Variants in ITGA11 observed in about 807,000 individuals in gnomAD.
The protein encoded by ITGA11 is integrin subunit alpha 11.
In ITGA11, 97 loss-of-function variants were observed where a neutral mutation model predicts 141.9. The observed-to-expected ratio is 0.68, with a 90% CI of 0.58 to 0.81. The LOEUF is 0.81. Ranked by LOEUF, ITGA11 falls within the 30% of genes least tolerant of loss-of-function variation. The probability of loss-of-function intolerance (pLI) is 0.00; values close to 1 mark genes in which losing one functional copy is unlikely to be tolerated. For missense variants in ITGA11, 1,387 were observed against 1,559.2 expected (o/e 0.89, Z 1.86); for synonymous variants, 658 against 624.6 (o/e 1.05, Z -0.80).
chr15:68,413,247 A>G (rs1312412573), intron 1 of ITGA11, among the ~76,000 whole-genome samples: 1 of 152,206 alleles, frequency 6.6e-6, no homozygotes, highest in Non-Finnish European at 1.5e-5. Flanking sequence ...GCTTGTTGCT[A>G]TAAGTGAGAA....
chr15:68,398,565 ATATT>A (rs1046088377), intron 2 of ITGA11, among the ~76,000 whole-genome samples: 11 of 146,718 alleles, frequency 7.5e-5, no homozygotes, highest in African/African-American at 2.7e-4. Context: ...AGACTTTAAC[ATATT>A]TATTATAATA....
At chr15:68,354,550 C>G (rs940457647) in intron 7 of ITGA11, among the ~76,000 whole-genome samples, 1 of 152,232 alleles carries the variant, frequency 6.6e-6, no homozygotes, top group Non-Finnish European at 1.5e-5. Context: ...GAGCACATCT[C>G]TGAATGCAAA....
rs1348500106 is a variant in ITGA11 at position 68,331,096 on chromosome 15, C to T, written c.1786G>A (p.Glu596Lys). ...AAATACTGGAGGCCGGTAGCCAGCTCTGAGGCTGTGATTCTCTGCAGGGCG... is the reference window on the plus strand; with the variant it reads ...AAATACTGGAGGCCGGTAGCCAGCTTTGAGGCTGTGATTCTCTGCAGGGCG... The part of the protein sequence containing the change: ...KTPKQRITAS[E>K]LATGLQYFGC... Residue 596 changes from glutamate to lysine, a missense_variant, in exon 15 of 30, where the codon GAG becomes AAG. Transcript: ENST00000315757. 6.3e-7 allele frequency: 1 copy of T among 1,597,444 alleles called. No individual in the cohort carries two copies. Among genetic ancestry groups the T allele is most frequent in the Non-Finnish European group, 8.5e-7 (1 of 1,172,288 alleles).
chr15:68,314,887 T>C (rs1028453640), intron 22 of ITGA11, among the ~76,000 whole-genome samples: 2 of 152,186 alleles, frequency 1.3e-5, no homozygotes, highest in South Asian at 4.2e-4. Flanking sequence ...TTGCCTGGGG[T>C]ATTTATTTCT....
chr15:68,361,583 C>G lies in ITGA11; in HGVS notation c.472+7G>C. The G allele has an allele frequency of 6.3e-7, 1 of 1,584,734 alleles. No homozygotes were observed. The highest frequency in any genetic ancestry group is 2.3e-5 in the East Asian group (1 of 44,048). On this transcript the variant is annotated splice_region_variant and intron_variant, in intron 5 of 29. Coordinates refer to ENST00000315757, the MANE Select transcript of ITGA11 (RefSeq NM_001004439.2). ...CAGCTTGAGGTTGCAGATTTGAAGC[C>G]ACTTACTTTGGAGAGCTGGGGCCAC...
intron 2 of ITGA11, among the ~76,000 whole-genome samples, chr15:68,391,101 AG>A (rs1345695399): frequency 6.6e-6 from 1 of 152,110 alleles, no homozygotes; most frequent in African/African-American, 2.4e-5. Context: ...GGAAGCAGGG[AG>A]GGGAAAGCCA....
At chr15:68,385,179 C>CAA (rs1203433645) in intron 2 of ITGA11, among the ~76,000 whole-genome samples, 2 of 152,256 alleles carry the variant, frequency 1.3e-5, no homozygotes, top group African/African-American at 2.4e-5. Context: ...CTTGAGTTTC[C>CAA]ATTGCTTGGA....
rs529138575 is a variant in ITGA11 at position 68,347,237 on chromosome 15, C to A, written c.1131+1593G>T. Among the ~76,000 whole-genome samples, 4 of 152,358 alleles carry A rather than the reference C, an allele frequency of 2.6e-5. No homozygotes were observed. In the South Asian group the frequency reaches 8.3e-4, roughly 32 times the overall value. ...CTCGCTGTGCTGGGCTCTTTACCCT[C>A]AGACTCTGAGCTCCTTGAGGGCAGG... On this transcript the variant is annotated intron_variant, in intron 10 of 29. Transcript: ENST00000315757.
chr15:68,427,631 A>AT (rs988711090), intron 1 of ITGA11, among the ~76,000 whole-genome samples: 19 of 152,166 alleles, frequency 1.2e-4, no homozygotes, highest in African/African-American at 4.6e-4. Flanking sequence ...TCTCCATGGA[A>AT]TTTTTTTGCA....
rs1242014569 is a variant in ITGA11 at position 68,325,995 on chromosome 15, T to C, written c.2211+659A>G. Among the ~76,000 whole-genome samples, 1 of 152,166 alleles carries C rather than the reference T, an allele frequency of 6.6e-6. No individual in the cohort carries two copies. Among genetic ancestry groups the C allele is most frequent in the African/African-American group, 2.4e-5 (1 of 41,438 alleles). ...TGAATTTCCAAGTTTGTGGGGAGGA[T>C]GAAGATGCTGCTGGTGTGGATGCGT... On this transcript the variant is annotated intron_variant, in intron 17 of 29. Transcript: ENST00000315757. This position sits in a 1 kb window ranked among gnomAD's most constrained non-coding sequence, Gnocchi z 5.5.
intron 7 of ITGA11, among the ~76,000 whole-genome samples, chr15:68,354,220 A>G (rs1895001017): frequency 1.3e-5 from 2 of 151,994 alleles, no homozygotes; most frequent in Admixed American, 1.3e-4. Flanking sequence ...TCAGCTCACG[A>G]TGGCACGGTA....
chr15:68,300,472 G>T lies in ITGA11; in HGVS notation c.*2587C>A, dbSNP rs1349527349. ...AGTGGTCACTTTTAAAGCTCCCGTG[G>T]TTCAAAGGTGCAGCCAGGATTGAGA... On this transcript the variant is annotated 3_prime_UTR_variant, in exon 30 of 30. Transcript: ENST00000315757. 1 of 152,286 alleles carries T rather than the reference G, an allele frequency of 6.6e-6. No individual in the cohort carries two copies. Among genetic ancestry groups the T allele is most frequent in the Non-Finnish European group, 1.5e-5 (1 of 68,066 alleles). 9.4% of individuals were successfully genotyped at this position (152,286 alleles called of 1,614,324 possible). A position where few individuals can be genotyped will look rare whatever the true frequency, so the allele number is the denominator to read the frequency against.
chr15:68,365,785 G>C (rs1313222148), intron 3 of ITGA11, among the ~76,000 whole-genome samples: 2 of 151,856 alleles, frequency 1.3e-5, no homozygotes, highest in Non-Finnish European at 2.9e-5. Flanking sequence ...ACCCAGGCTA[G>C]AGTGGAGTGG....
At chr15:68,412,267 G>A (rs977542260) in intron 1 of ITGA11, among the ~76,000 whole-genome samples, 2 of 152,124 alleles carry the variant, frequency 1.3e-5, no homozygotes, top group Non-Finnish European at 2.9e-5. Flanking sequence ...TGGTTGCTGG[G>A]GTAGTACCCC....
Position 68,404,595 on chromosome 15 carries a change from T to G in ITGA11, c.53-1566A>C, listed in dbSNP as rs181839779. Among the ~76,000 whole-genome samples the G allele has an allele frequency of 2.1e-3, 325 of 152,284 alleles. 1 individual carries two copies. The highest frequency in any genetic ancestry group is 7.3e-3 in the African/African-American group (304 of 41,560). On this transcript the variant is annotated intron_variant, in intron 1 of 29. Coordinates refer to ENST00000315757, the MANE Select transcript of ITGA11 (RefSeq NM_001004439.2). ...GAGAATGAGTGAGCATCGTCCTCACTTGGCAGATGCACTTGGTGCAGTACC... is the reference window on the plus strand; with the variant it reads ...GAGAATGAGTGAGCATCGTCCTCACGTGGCAGATGCACTTGGTGCAGTACC...
rs1893178699 is a variant in ITGA11 at position 68,305,969 on chromosome 15, G to A, written c.3381+1379C>T. ...TGGGAAGCCGAGGCGGGCAGATCAT[G>A]AGGTCAGGAGATCGAGACCATCCTG... On this transcript the variant is annotated intron_variant, in intron 28 of 29. Transcript: ENST00000315757. The surrounding 1 kb of genome is among the most constrained non-coding windows in gnomAD (Gnocchi z 4.6). Among the ~76,000 whole-genome samples the A allele has an allele frequency of 6.6e-6, 1 of 151,478 alleles. No individual in the cohort carries two copies. Among genetic ancestry groups the A allele is most frequent in the Non-Finnish European group, 1.5e-5 (1 of 67,906 alleles).
rs1893812761 is a variant in ITGA11 at position 68,321,512 on chromosome 15, G to C, written c.2323-9C>G. 1 of 1,588,756 alleles carries C rather than the reference G, an allele frequency of 6.3e-7. No individual in the cohort carries two copies. ...CCGTTCCAGAAGGGCACCTGGGCCA[G>C]GGAGAGCCAGGTGTGGGCAGCTGGG... On this transcript the variant is annotated splice_polypyrimidine_tract_variant and intron_variant, in intron 18 of 29. Coordinates refer to ENST00000315757, the MANE Select transcript of ITGA11 (RefSeq NM_001004439.2). This position sits in a 1 kb window ranked among gnomAD's most constrained non-coding sequence, Gnocchi z 4.9.
chr15:68,372,433 C>T (rs1238122570), intron 2 of ITGA11, among the ~76,000 whole-genome samples: 1 of 152,318 alleles, frequency 6.6e-6, no homozygotes, highest in East Asian at 1.9e-4. Context: ...CACCAGACGG[C>T]ACAGCAAACC....
intron 12 of ITGA11, 146 bp from the exon 13 acceptor site, chr15:68,332,624 A>G (rs149730181): frequency 4.6e-6 from 4 of 861,414 alleles, no homozygotes; most frequent in Admixed American, 5.5e-5. Context: ...CTCACGCGCT[A>G]CCTCTCTCTC....
Sources: gnomAD v4.1 joint callset for allele counts (sites outside exome capture counted in the v4.1 genomes callset) on GRCh38, gnomAD v4.1.1 for gene constraint, Gnocchi (gnomAD v3.1) non-coding constraint, MANE v1.5 for transcripts, NCBI Gene and HGNC (gene_info 2026-07-23, HGNC 2026-07-21) for gene names.